The following HDAC9 variants were observed in gnomAD, a reference collection of about 807,000 sequenced individuals.
The protein encoded by HDAC9 is MEF-2 interacting transcription repressor (MITR) protein.
HDAC9 carries 41 observed loss-of-function variants against 139.4 expected under a neutral mutation model. The ratio of observed to expected loss-of-function variants is 0.29; its 90% CI spans 0.23 to 0.38. HDAC9 has a LOEUF of 0.38. Among genes scored for constraint, HDAC9 ranks in the 10% least tolerant of loss-of-function variants. The probability of loss-of-function intolerance (pLI) is 1.00; values close to 1 mark genes in which losing one functional copy is unlikely to be tolerated. For missense variants in HDAC9, 1,147 were observed against 1,297.0 expected, an observed-to-expected ratio of 0.88 and a Z score of 1.78; for synonymous variants, 517 against 476.2, an observed-to-expected ratio of 1.09 and a Z score of -1.12.
At chr7:18,653,838 T>C (rs1790171876) in intron 11 of HDAC9, among the ~76,000 whole-genome samples, 1 of 152,164 alleles carries the variant, frequency 6.6e-6, no homozygotes, top group South Asian at 2.1e-4. Flanking sequence ...TATTCCTTTT[T>C]TGACATAATT....
At chr7:18,757,266 C>T (rs1788961196) in intron 14 of HDAC9, among the ~76,000 whole-genome samples, 1 of 152,014 alleles carries the variant, frequency 6.6e-6, no homozygotes, top group Non-Finnish European at 1.5e-5. Flanking sequence ...GAAACCACAT[C>T]CCTTTATTTA....
At chr7:18,232,420 G>A (rs968391070) in intron 2 of HDAC9, among the ~76,000 whole-genome samples, 1 of 152,108 alleles carries the variant, frequency 6.6e-6, no homozygotes, top group Admixed American at 6.6e-5. Context: ...CACATCTTAG[G>A]AAAATTATAA....
chr7:18,336,973 G>A (rs534848328), intron 1 of HDAC9, among the ~76,000 whole-genome samples: 20 of 151,542 alleles, frequency 1.3e-4, no homozygotes, highest in Non-Finnish European at 2.2e-4. Flanking sequence ...AGTAAAATGA[G>A]CTCTGCTTGT....
At chr7:18,471,390 A>G (rs763822161) in intron 1 of HDAC9, among the ~76,000 whole-genome samples, 1 of 152,142 alleles carries the variant, frequency 6.6e-6, no homozygotes, top group African/African-American at 2.4e-5. Flanking sequence ...TTTTTATCCA[A>G]TATTCCACCT....
intron 23 of HDAC9, among the ~76,000 whole-genome samples, chr7:18,953,265 C>CTATT (rs1782927774): frequency 6.6e-6 from 1 of 152,048 alleles, no homozygotes; most frequent in African/African-American, 2.4e-5. Context: ...CCTTTTGTTA[C>CTATT]TATTACTTTA....
intron 22 of HDAC9, among the ~76,000 whole-genome samples, chr7:18,887,778 T>G (rs1332954610): frequency 1.3e-5 from 2 of 152,178 alleles, no homozygotes; most frequent in African/African-American, 4.8e-5. Context: ...ATTTAGTTAT[T>G]TTTGTTGGTT....
chr7:18,680,512 C>T (rs10257046), intron 12 of HDAC9, among the ~76,000 whole-genome samples: 23,231 of 151,778 alleles, frequency 0.15, 2,622 homozygotes, highest in African/African-American at 0.31. Flanking sequence ...GACTTTTAGA[C>T]GGCCCCTAAA....
chr7:18,488,542 A>G (rs1246525754), intron 1 of HDAC9, among the ~76,000 whole-genome samples: 3 of 151,964 alleles, frequency 2.0e-5, no homozygotes, highest in Non-Finnish European at 4.4e-5. Flanking sequence ...GCTGTAATAT[A>G]TTTCTTCTAG....
intron 11 of HDAC9, among the ~76,000 whole-genome samples, chr7:18,662,511 A>G (rs1462647192): frequency 6.6e-6 from 1 of 152,024 alleles, no homozygotes; most frequent in African/African-American, 2.4e-5. Context: ...GTGATGGAGG[A>G]CACAGTGGAT....
intron 22 of HDAC9, among the ~76,000 whole-genome samples, chr7:18,926,862 G>C (rs1389954166): frequency 6.6e-6 from 1 of 152,150 alleles, no homozygotes; most frequent in African/African-American, 2.4e-5. Context: ...GACTAGAAGA[G>C]TAAAAGGATT....
At chr7:18,936,332 T>C (rs1427484155) in intron 23 of HDAC9, among the ~76,000 whole-genome samples, 1 of 152,202 alleles carries the variant, frequency 6.6e-6, no homozygotes, top group Non-Finnish European at 1.5e-5. Context: ...TTTGTCACCA[T>C]TTAAGAATTC....
chr7:18,817,330 G>A (rs545843659), intron 17 of HDAC9, among the ~76,000 whole-genome samples: 1 of 152,038 alleles, frequency 6.6e-6, no homozygotes, highest in East Asian at 1.9e-4. Flanking sequence ...CACCGCGCCC[G>A]GCCGAGAAGT....
At chr7:18,853,218 C>T (rs1446140641) in intron 21 of HDAC9, among the ~76,000 whole-genome samples, 1 of 152,082 alleles carries the variant, frequency 6.6e-6, no homozygotes, top group Non-Finnish European at 1.5e-5. Flanking sequence ...CCCTTTACAT[C>T]CTAGTCTCCT....
At chr7:18,317,414 T>G (rs1470758947) in intron 1 of HDAC9, among the ~76,000 whole-genome samples, 1 of 152,176 alleles carries the variant, frequency 6.6e-6, no homozygotes, top group African/African-American at 2.4e-5. Context: ...CTTAATATAT[T>G]TTGAATAATA....
chr7:18,623,768 C>G (rs1434629543), intron 6 of HDAC9, among the ~76,000 whole-genome samples: 4 of 152,122 alleles, frequency 2.6e-5, no homozygotes, highest in African/African-American at 9.7e-5. Context: ...ATGGTGAAAC[C>G]CTGTCTCCAC....
intron 2 of HDAC9, among the ~76,000 whole-genome samples, chr7:18,179,561 C>T (rs1789218477): frequency 6.6e-6 from 1 of 152,110 alleles, no homozygotes; most frequent in South Asian, 2.1e-4. Context: ...TTTCCATTCT[C>T]TACCCTCCCT....
intron 2 of HDAC9, among the ~76,000 whole-genome samples, chr7:18,570,552 T>G (rs1823937075): frequency 6.6e-6 from 1 of 152,232 alleles, no homozygotes; most frequent in Non-Finnish European, 1.5e-5. Flanking sequence ...ATGCCTATTT[T>G]GTAGAAGTCA....
At chr7:18,265,723 G>T (rs1413065193) in intron 2 of HDAC9, among the ~76,000 whole-genome samples, 1 of 152,070 alleles carries the variant, frequency 6.6e-6, no homozygotes, top group Non-Finnish European at 1.5e-5. Flanking sequence ...GAGTAGCAGT[G>T]TTTGCATTGT....
chr7:18,859,150 C>T (rs1797903331), intron 21 of HDAC9, among the ~76,000 whole-genome samples: 1 of 152,058 alleles, frequency 6.6e-6, no homozygotes, highest in South Asian at 2.1e-4. Flanking sequence ...GATCAAAGTA[C>T]ATAATTTCAA....
Sources: allele counts gnomAD v4.1 joint callset (sites outside exome capture counted in the v4.1 genomes callset), GRCh38; gene constraint gnomAD v4.1.1; transcripts MANE v1.5; gene names NCBI Gene and HGNC (gene_info 2026-07-23, HGNC 2026-07-21).